The following AXDND1 variants were observed in gnomAD, a reference collection of about 807,000 sequenced individuals.
AXDND1 encodes axonemal dynein light chain domain containing 1.
In AXDND1, 110 loss-of-function variants were observed where a neutral mutation model predicts 137.5. That is an observed-to-expected ratio of 0.80 (90% CI 0.69 to 0.94). The LOEUF is 0.94. Ranked by LOEUF, AXDND1 falls within the 40% of genes least tolerant of loss-of-function variation. The probability of loss-of-function intolerance (pLI) is 0.00; values close to 1 mark genes in which losing one functional copy is unlikely to be tolerated. For missense variants in AXDND1, 1,191 were observed against 1,169.8 expected (o/e 1.02, Z -0.26); for synonymous variants, 414 against 399.7 (o/e 1.04, Z -0.43).
rs187803722 is a variant in AXDND1, at chr1:179,432,297, A to G, written c.1518A>G (p.Gly506=). Residue 506 remains glycine, a synonymous_variant, in exon 15 of 26, where the codon GGA becomes GGG. Transcript: ENST00000367618. Reference sequence around the variant, plus strand: ...AAGACATTTTATCCCCTAATAAGGGAAATATATTTAATTCAGTTCTTTTAG... The same window carrying G: ...AAGACATTTTATCCCCTAATAAGGGGAATATATTTAATTCAGTTCTTTTAG... ...NEKDILSPNK[G]NIFNSVLLDF... 4.4e-4 allele frequency: 690 copies of G among 1,569,386 alleles called. 7 individuals carry two copies. In the East Asian group the frequency reaches 0.011, roughly 25 times the overall value.
chr1:179,374,297 A>C (rs1231673783), intron 4 of AXDND1, among the ~76,000 whole-genome samples: 2 of 152,196 alleles, frequency 1.3e-5, no homozygotes, highest in African/African-American at 4.8e-5. Context: ...ACCAGTTAGA[A>C]TGGCGATCAT....
chr1:179,455,295 T>TAAAA (rs1323767767), intron 16 of AXDND1: 1 of 52,566 alleles, frequency 1.9e-5, no homozygotes, highest in Non-Finnish European at 4.6e-5. Flanking sequence ...AAAAAAAAAG[T>TAAAA]AAAAAAAAAA....
chr1:179,500,021 A>G (rs564276067), intron 20 of AXDND1, among the ~76,000 whole-genome samples: 1 of 152,104 alleles, frequency 6.6e-6, no homozygotes, highest in Non-Finnish European at 1.5e-5. Flanking sequence ...CTGTTCTTAT[A>G]CAGACTCTTT....
chr1:179,443,095 T>C (rs1659239337), intron 15 of AXDND1, among the ~76,000 whole-genome samples: 1 of 152,158 alleles, frequency 6.6e-6, no homozygotes, highest in African/African-American at 2.4e-5. Context: ...TCTCAATAGA[T>C]AACTTCAAGG....
At chr1:179,390,934 G>A (rs569929087) in intron 9 of AXDND1, among the ~76,000 whole-genome samples, 6 of 152,190 alleles carry the variant, frequency 3.9e-5, no homozygotes, top group African/African-American at 1.2e-4. Flanking sequence ...AGCCTACTGA[G>A]TAGCTGGGAT....
intron 11 of AXDND1, among the ~76,000 whole-genome samples, chr1:179,404,114 T>C (rs1652549136): frequency 6.6e-6 from 1 of 152,196 alleles, no homozygotes; most frequent in South Asian, 2.1e-4. Flanking sequence ...TGGTAGTAAA[T>C]GATAAAATAG....
chr1:179,490,376 A>G lies in AXDND1; in HGVS notation c.2092-1162A>G, dbSNP rs114295524. Reference sequence around the variant, plus strand: ...TATGGTGTGTCTGAATTTTGCATACAGGTTTTCTGCATTTTATTTCTGGGA... The same window carrying G: ...TATGGTGTGTCTGAATTTTGCATACGGGTTTTCTGCATTTTATTTCTGGGA... On this transcript the variant is annotated intron_variant, in intron 18 of 25. Coordinates refer to ENST00000367618, the MANE Select transcript of AXDND1 (RefSeq NM_144696.6). Among the ~76,000 whole-genome samples, 922 of 152,272 alleles carry G rather than the reference A, an allele frequency of 6.1e-3. 14 individuals carry two copies. Among genetic ancestry groups the G allele is most frequent in the African/African-American group, 0.02 (831 of 41,564 alleles).
At chr1:179,402,595 G>A (rs1438852333) in intron 11 of AXDND1, among the ~76,000 whole-genome samples, 1 of 151,646 alleles carries the variant, frequency 6.6e-6, no homozygotes, top group South Asian at 2.1e-4. Flanking sequence ...TCTCTTTTTT[G>A]CATCATTAAT....
intron 12 of AXDND1, among the ~76,000 whole-genome samples, chr1:179,419,213 G>A (rs1655254843): frequency 2.0e-5 from 3 of 151,720 alleles, no homozygotes; most frequent in African/African-American, 2.4e-5. Context: ...CCCAGACGGG[G>A]TGGCAGCCGG....
chr1:179,501,071 C>T (rs1015694018), intron 20 of AXDND1, among the ~76,000 whole-genome samples: 1 of 152,134 alleles, frequency 6.6e-6, no homozygotes, highest in Non-Finnish European at 1.5e-5. Context: ...TTGGACCACA[C>T]ATATATAGAA....
At chr1:179,492,059 T>C (rs545329150) in intron 19 of AXDND1, among the ~76,000 whole-genome samples, 1 of 152,188 alleles carries the variant, frequency 6.6e-6, no homozygotes, top group East Asian at 1.9e-4. Flanking sequence ...AAGAAGAATA[T>C]TGTAGTTTCT....
intron 16 of AXDND1, among the ~76,000 whole-genome samples, chr1:179,464,518 C>G (rs114498797): frequency 0.063 from 9,568 of 152,200 alleles, 361 homozygotes; most frequent in African/African-American, 0.071. Context: ...TTGTGAGTAA[C>G]CCGACTTTTC....
intron 3 of AXDND1, among the ~76,000 whole-genome samples, chr1:179,369,379 T>TA (rs2125041313): frequency 6.6e-6 from 1 of 152,292 alleles, no homozygotes; most frequent in African/African-American, 2.4e-5. Context: ...TGCCTGGCCT[T>TA]AAAAAATTTT....
At chr1:179,419,101 C>T (rs1384988577) in intron 12 of AXDND1, among the ~76,000 whole-genome samples, 4 of 151,518 alleles carry the variant, frequency 2.6e-5, no homozygotes, top group Non-Finnish European at 5.9e-5. Context: ...GATGGGATGG[C>T]GGCCGGGCAG....
intron 11 of AXDND1, among the ~76,000 whole-genome samples, chr1:179,408,098 C>G (rs1465385068): frequency 2.0e-5 from 3 of 151,970 alleles, no homozygotes; most frequent in African/African-American, 7.3e-5. Flanking sequence ...TTCTTCAGTT[C>G]CAGGGTTTTT....
rs79845333 is a variant in AXDND1, at chr1:179,398,593, G to T, written c.1109+3391G>T. On this transcript the variant is annotated intron_variant, in intron 11 of 25. Transcript: ENST00000367618. ...GTGGAGGCAGCACAGCTGGAAGAGG[G>T]TTGGGGGGCCCCTGCTGGCAACTGT... Among the ~76,000 whole-genome samples the T allele has an allele frequency of 8.6e-3, 1,315 of 152,342 alleles. 41 individuals are homozygous for T. The highest frequency in any genetic ancestry group is 0.055 in the Admixed American group (848 of 15,304).
chr1:179,451,593 C>T (rs1046425336), intron 16 of AXDND1: 3 of 152,136 alleles, frequency 2.0e-5, no homozygotes, highest in African/African-American at 7.2e-5. Flanking sequence ...CAAATCTCAT[C>T]TTGAATTTCC....
chr1:179,533,801 TCAG>T lies in AXDND1; in HGVS notation c.2724_2726del (p.Ala909del). On this transcript the variant is annotated inframe_deletion, in exon 24 of 26. Transcript: ENST00000367618. ...CTCATATTTCCTCTGTCAGAGAGAG[TCAG>T]CTAAGCAAGGTACATTGGCCCAAAA... 6.2e-7 allele frequency: 1 copy of T among 1,610,686 alleles called. No individual in the cohort carries two copies. Among genetic ancestry groups the T allele is most frequent in the African/African-American group, 1.3e-5 (1 of 74,912 alleles).
chr1:179,486,995 A>T (rs770826792), intron 18 of AXDND1, among the ~76,000 whole-genome samples: 1 of 148,700 alleles, frequency 6.7e-6, no homozygotes, highest in Non-Finnish European at 1.5e-5. Flanking sequence ...AAATGGGCTA[A>T]ATGCCCCAAT....
Sources: allele counts gnomAD v4.1 joint callset (sites outside exome capture counted in the v4.1 genomes callset), GRCh38; gene constraint gnomAD v4.1.1; transcripts MANE v1.5; gene names NCBI Gene and HGNC (gene_info 2026-07-23, HGNC 2026-07-21).